NUP93: variants seen among roughly 807,000 people sequenced by gnomAD.
The protein encoded by NUP93 is nuclear pore complex protein Nup93.
In NUP93, 55 loss-of-function variants were observed where a neutral mutation model predicts 107.8. The ratio of observed to expected loss-of-function variants is 0.51; its 90% CI spans 0.41 to 0.64. The LOEUF is 0.64. Ranked by LOEUF, NUP93 falls within the 30% of genes least tolerant of loss-of-function variation. The pLI, the probability that NUP93 is intolerant of heterozygous loss-of-function variation, is 0.00. For synonymous variants in NUP93, 390 were observed against 397.5 expected (o/e 0.98, Z 0.22); for missense variants, 937 against 1,044.7 (o/e 0.90, Z 1.42).
intron 1 of NUP93, among the ~76,000 whole-genome samples, chr16:56,738,961 T>G (rs1961657203): frequency 6.7e-6 from 1 of 148,542 alleles, no homozygotes; most frequent in Non-Finnish European, 1.5e-5. Context: ...TTTTTTTTTT[T>G]GCACCGCCCT....
chr16:56,817,583 C>T (rs1340691090), intron 5 of NUP93, among the ~76,000 whole-genome samples: 1 of 152,080 alleles, frequency 6.6e-6, no homozygotes, highest in Non-Finnish European at 1.5e-5. Flanking sequence ...AAGAATTTAC[C>T]TAATTTTGAT....
intron 4 of NUP93, among the ~76,000 whole-genome samples, chr16:56,800,916 C>T (rs1298261256): frequency 3.9e-5 from 6 of 152,222 alleles, no homozygotes; most frequent in Non-Finnish European, 8.8e-5. Flanking sequence ...GCTCTTAATT[C>T]AGCTGTCCAA....
Position 56,758,448 on chromosome 16 carries a change from C to G in NUP93, c.180-90C>G, listed in dbSNP as rs145734877. The G allele has an allele frequency of 9.9e-3, 9,300 of 938,472 alleles. 141 individuals carry two copies. Among genetic ancestry groups the G allele is most frequent in the Non-Finnish European group, 8.9e-3 (5,105 of 572,858 alleles). The allele number at this position is 938,472 out of a possible 1,614,324, so 58.1% of individuals were successfully genotyped here. ...TAGGAAGTTTTGAATTAAAAATGCT[C>G]TCTAGTATTTGATGAAGCATATTAG... On this transcript the variant is annotated intron_variant, in intron 2 of 21. Transcript: ENST00000308159.
chr16:56,815,100 C>G (rs1447812311), intron 5 of NUP93, among the ~76,000 whole-genome samples: 1 of 152,216 alleles, frequency 6.6e-6, no homozygotes, highest in African/African-American at 2.4e-5. Flanking sequence ...TGATACCCAG[C>G]TACTGTTTAA....
At position 56,766,130 on chromosome 16, in the gene NUP93, A is replaced by G. The variant is rs113296948; in HGVS notation, c.297+7475A>G. 3.1e-3 allele frequency among the ~76,000 whole-genome samples: 472 copies of G among 152,334 alleles called. 3 individuals are homozygous for G. Among genetic ancestry groups the G allele is most frequent in the African/African-American group, 0.011 (447 of 41,578 alleles). ...GAAGAAGCAAGTAAATGGATGCTGA[A>G]TGCATTCTGAACGAGCGGGAAATGA... is the stretch of plus-strand genomic sequence containing the variant. On this transcript the variant is annotated intron_variant, in intron 3 of 21. Coordinates refer to ENST00000308159, the MANE Select transcript of NUP93 (RefSeq NM_014669.5).
At chr16:56,748,177 G>A (rs762682622) in intron 1 of NUP93, 57 bp from the exon 2 acceptor site, 2 of 1,216,712 alleles carry the variant, frequency 1.6e-6, no homozygotes, top group East Asian at 4.7e-5. Context: ...GATTCAGGCA[G>A]TGTTTGAAAC....
At chr16:56,736,770 C>T (rs1312397132) in intron 1 of NUP93, among the ~76,000 whole-genome samples, 1 of 152,046 alleles carries the variant, frequency 6.6e-6, no homozygotes, top group East Asian at 1.9e-4. Flanking sequence ...ACAGTCATTG[C>T]CATTGAGTCT....
chr16:56,815,191 G>C (rs1229726915), intron 5 of NUP93, among the ~76,000 whole-genome samples: 1 of 152,136 alleles, frequency 6.6e-6, no homozygotes, highest in Admixed American at 6.5e-5. Context: ...TACAACAACT[G>C]TGTCCTTGCA....
intron 13 of NUP93, among the ~76,000 whole-genome samples, chr16:56,833,756 G>A (rs1298823045): frequency 2.6e-5 from 4 of 152,134 alleles, no homozygotes; most frequent in African/African-American, 4.8e-5. Context: ...AGCCAGGCAT[G>A]TGCATACCTG....
chr16:56,808,052 A>T (rs2144578879), intron 5 of NUP93, among the ~76,000 whole-genome samples: 1 of 143,386 alleles, frequency 7.0e-6, no homozygotes, highest in Non-Finnish European at 1.5e-5. Flanking sequence ...TATATTTCTA[A>T]AAATATATAT....
rs1964096434 is a variant in NUP93 at position 56,844,835 on chromosome 16, AATGGGAAATACCGTC to A, written c.*228_*242del. The A allele has an allele frequency of 2.5e-6, 1 of 402,326 alleles. No homozygotes were observed. Among genetic ancestry groups the A allele is most frequent in the Non-Finnish European group, 4.3e-6 (1 of 229,936 alleles). 24.9% of individuals were successfully genotyped at this position (402,326 alleles called of 1,614,324 possible). A position where few individuals can be genotyped will look rare whatever the true frequency, so the allele number is the denominator to read the frequency against. ...ATTTTGTTTACATTTTTATTTGTGT[AATGGGAAATACCGTC>A]ACTAGCTCTTGGGCCAGGGAATGAG... On this transcript the variant is annotated 3_prime_UTR_variant, in exon 22 of 22. Transcript: ENST00000308159.
At chr16:56,773,662 A>C (rs1306481273) in intron 3 of NUP93, among the ~76,000 whole-genome samples, 1 of 152,210 alleles carries the variant, frequency 6.6e-6, no homozygotes, top group Non-Finnish European at 1.5e-5. Context: ...ATTGAATCCA[A>C]ATCTGTGAGG....
intron 2 of NUP93, among the ~76,000 whole-genome samples, chr16:56,757,549 A>G (rs1485131090): frequency 6.6e-6 from 1 of 152,174 alleles, no homozygotes; most frequent in Non-Finnish European, 1.5e-5. Flanking sequence ...TTTTTTACAG[A>G]GAGTGTTCTA....
At chr16:56,810,039 A>G (rs374145182) in intron 5 of NUP93, among the ~76,000 whole-genome samples, 3 of 152,338 alleles carry the variant, frequency 2.0e-5, no homozygotes, top group East Asian at 1.9e-4. Context: ...ATGTAATTAT[A>G]AATTGATAAT....
At chr16:56,841,451 CCTGA>C (rs1272632483) in intron 20 of NUP93, among the ~76,000 whole-genome samples, 4 of 152,266 alleles carry the variant, frequency 2.6e-5, no homozygotes, top group Non-Finnish European at 5.9e-5. Context: ...GCTCACTGCC[CCTGA>C]CTAAGGGAAA....
At chr16:56,825,501 G>A (rs748972275) in intron 8 of NUP93, among the ~76,000 whole-genome samples, 5 of 151,854 alleles carry the variant, frequency 3.3e-5, no homozygotes, top group African/African-American at 4.8e-5. Context: ...CACCGTGCCT[G>A]GCCTAGGATT....
intron 6 of NUP93, among the ~76,000 whole-genome samples, chr16:56,819,030 G>A (rs1010771375): frequency 6.7e-4 from 102 of 152,292 alleles, no homozygotes; most frequent in African/African-American, 2.1e-3. Context: ...AGGTAACTGC[G>A]CTGCTTAGCA....
At chr16:56,752,194 C>T (rs1285886162) in intron 2 of NUP93, among the ~76,000 whole-genome samples, 1 of 152,170 alleles carries the variant, frequency 6.6e-6, no homozygotes, top group Non-Finnish European at 1.5e-5. Flanking sequence ...AAAATTTAGA[C>T]ATAGCTAGCA....
chr16:56,735,043 T>G (rs1278785882), intron 1 of NUP93, among the ~76,000 whole-genome samples: 2 of 152,160 alleles, frequency 1.3e-5, no homozygotes, highest in Non-Finnish European at 2.9e-5. Context: ...AAGCCCATAG[T>G]GGGGACTCAT....
Sources: gnomAD v4.1 joint callset for allele counts (sites outside exome capture counted in the v4.1 genomes callset) on GRCh38, gnomAD v4.1.1 for gene constraint, MANE v1.5 for transcripts, NCBI Gene and HGNC (gene_info 2026-07-23, HGNC 2026-07-21) for gene names.